Variants in ZC3H14 observed in about 807,000 individuals in gnomAD.
The protein encoded by ZC3H14 is zinc finger CCCH-type containing 14.
ZC3H14 carries 31 observed loss-of-function variants against 92.4 expected under a neutral mutation model. The observed-to-expected ratio is 0.34, with a 90% CI of 0.25 to 0.45. The LOEUF is 0.45. ZC3H14 is among the 20% of genes least tolerant of loss of function. ZC3H14 has a pLI of 1.00. For synonymous variants in ZC3H14, 321 were observed against 300.9 expected (o/e 1.07, Z -0.69); for missense variants, 781 against 897.3 (o/e 0.87, Z 1.66).
rs2087456476 is a variant in ZC3H14 at position 88,615,495 on chromosome 14, TAA to T, written c.*3746_*3747del. 2 of 270,542 alleles carry T rather than the reference TAA, an allele frequency of 7.4e-6. No homozygotes were observed. Among genetic ancestry groups the T allele is most frequent in the South Asian group, 3.3e-4 (2 of 6,110 alleles). 16.8% of individuals were successfully genotyped at this position (270,542 alleles called of 1,614,324 possible). A position where few individuals can be genotyped will look rare whatever the true frequency, so the allele number is the denominator to read the frequency against. ...CAAATTGGGTTTTTGAGTTCTTCTG[TAA>T]AGAGTGCTCTACCCTAAATTTTCCC... On this transcript the variant is annotated 3_prime_UTR_variant, in exon 17 of 17. Coordinates refer to ENST00000251038, the MANE Select transcript of ZC3H14 (RefSeq NM_024824.5).
chr14:88,567,959 A>G, intron 2 of ZC3H14, 80 bp from the exon 3 acceptor site: 4 of 1,119,610 alleles, frequency 3.6e-6, no homozygotes, highest in East Asian at 2.5e-5. Context: ...TTAGAGCTAC[A>G]TCTATATTTT....
At chr14:88,598,981 A>T (rs190751247) in intron 10 of ZC3H14, among the ~76,000 whole-genome samples, 17 of 152,338 alleles carry the variant, frequency 1.1e-4, no homozygotes, top group Non-Finnish European at 2.4e-4. Context: ...CCAGCTACTA[A>T]GGAGGCTGAG....
In ZC3H14 at chr14:88,622,732, C is replaced by A; in HGVS notation, c.*10981C>A. 1 of 1,572,958 alleles carries A rather than the reference C, an allele frequency of 6.4e-7. No homozygotes were observed. Among genetic ancestry groups the A allele is most frequent in the Non-Finnish European group, 8.7e-7 (1 of 1,155,870 alleles). On this transcript the variant is annotated 3_prime_UTR_variant, in exon 17 of 17. Coordinates refer to ENST00000251038, the MANE Select transcript of ZC3H14 (RefSeq NM_024824.5). ...CCTTCTTTTGACCTAAGTAAATAACCAAGCCAGAGTAAGTGTTCATTATTG... is the reference window on the plus strand; with the variant it reads ...CCTTCTTTTGACCTAAGTAAATAACAAAGCCAGAGTAAGTGTTCATTATTG...
Position 88,614,941 on chromosome 14 carries a change from T to C in ZC3H14, c.*3190T>C, listed in dbSNP as rs1229540249. The C allele has an allele frequency of 2.0e-5, 3 of 152,222 alleles. No homozygotes were observed. The highest frequency in any genetic ancestry group is 4.4e-5 in the Non-Finnish European group (3 of 68,024). The allele number at this position is 152,222 out of a possible 1,614,324, so 9.4% of individuals were successfully genotyped here. A position where few individuals can be genotyped will look rare whatever the true frequency, so the allele number is the denominator to read the frequency against. On this transcript the variant is annotated 3_prime_UTR_variant, in exon 17 of 17. Transcript: ENST00000251038. ...TGTTGTATATGTGAATTTAACACTT[T>C]TGTTTACATGTTAAACAAATGTGTA...
Position 88,602,822 on chromosome 14 carries a change from TG to T in ZC3H14, c.1515-4del. 1.2e-6 allele frequency: 2 copies of T among 1,613,964 alleles called. No homozygotes were observed. The highest frequency in any genetic ancestry group is 1.7e-6 in the Non-Finnish European group (2 of 1,179,878). On this transcript the variant is annotated splice_region_variant and splice_polypyrimidine_tract_variant and intron_variant, in intron 11 of 16. Coordinates refer to ENST00000251038, the MANE Select transcript of ZC3H14 (RefSeq NM_024824.5). ...AATTCTATGGTATTTTTTATCTGTC[TG>T]GCAGAGATCTTGTACAACCAGATAA...
At chr14:88,609,232 T>C (rs766782358) in intron 13 of ZC3H14, 35 bp from the exon 14 acceptor site, 24 of 1,613,288 alleles carry the variant, frequency 1.5e-5, no homozygotes, top group Middle Eastern at 1.7e-4. Context: ...ATTGAGAAGA[T>C]TGAATATGAA....
intron 10 of ZC3H14, among the ~76,000 whole-genome samples, chr14:88,597,208 A>T (rs1037364312): frequency 3.3e-5 from 5 of 151,838 alleles, no homozygotes; most frequent in African/African-American, 1.2e-4. Flanking sequence ...GAGTCTTATC[A>T]CCAGGGCCAC....
At position 88,615,196 on chromosome 14, in the gene ZC3H14, T is replaced by A. The variant is rs2087402814; in HGVS notation, c.*3445T>A. On this transcript the variant is annotated 3_prime_UTR_variant, in exon 17 of 17. Transcript: ENST00000251038. ...GCAGCCATATACTGCTAACTTTGGATCTGTTCCTGAATTCAAAACTACTAG... is the reference window on the plus strand; with the variant it reads ...GCAGCCATATACTGCTAACTTTGGAACTGTTCCTGAATTCAAAACTACTAG... 6.6e-6 allele frequency: 1 copy of A among 152,160 alleles called. No homozygotes were observed. The highest frequency in any genetic ancestry group is 6.5e-5 in the Admixed American group (1 of 15,278). The allele number at this position is 152,160 out of a possible 1,614,324, so 9.4% of individuals were successfully genotyped here. A position where few individuals can be genotyped will look rare whatever the true frequency, so the allele number is the denominator to read the frequency against.
chr14:88,608,137 T>G (rs2085889567), intron 13 of ZC3H14: 1 of 314,540 alleles, frequency 3.2e-6, no homozygotes, highest in Admixed American at 3.6e-5. Flanking sequence ...CATCTCATCC[T>G]GCAAGTACCA....
In ZC3H14 at chr14:88,618,465, C is replaced by T. The variant is rs1054828576; in HGVS notation, c.*6714C>T. ...TTATTAAGTATGCAAAAGATCACTA[C>T]AAAAACTTAATAGGAGAAAAGCTCT... On this transcript the variant is annotated 3_prime_UTR_variant, in exon 17 of 17. Transcript: ENST00000251038. 9.1e-7 allele frequency: 1 copy of T among 1,097,520 alleles called. No homozygotes were observed. 68.0% of individuals were successfully genotyped at this position (1,097,520 alleles called of 1,614,324 possible). A position where few individuals can be genotyped will look rare whatever the true frequency, so the allele number is the denominator to read the frequency against.
chr14:88,609,838 A>C, intron 15 of ZC3H14, 35 bp downstream of exon 15: 2 of 1,590,012 alleles, frequency 1.3e-6, no homozygotes, highest in Non-Finnish European at 1.7e-6. Flanking sequence ...CAATTTAGTG[A>C]CAACATCTCA....
At position 88,567,938 on chromosome 14, in the gene ZC3H14, G is replaced by T. The variant is rs753314770; in HGVS notation, c.80-101G>T. 3.2e-6 allele frequency: 3 copies of T among 944,708 alleles called. No homozygotes were observed. The Admixed American group carries it at 6.0e-5, about 19-fold the overall frequency. The allele number at this position is 944,708 out of a possible 1,614,324, so 58.5% of individuals were successfully genotyped here. On this transcript the variant is annotated intron_variant, in intron 2 of 16. Coordinates refer to ENST00000251038, the MANE Select transcript of ZC3H14 (RefSeq NM_024824.5). The stretch of plus-strand genomic sequence containing the variant: ...CAATGTAATTCCAGTAGAGCTCTGC[G>T]ACTCTAAAGCTTAGAGCTACATCTA...
At chr14:88,576,043 A>G (rs1044169869) in intron 8 of ZC3H14, 103 bp downstream of exon 8, 1 of 1,025,102 alleles carries the variant, frequency 9.8e-7, no homozygotes, top group Non-Finnish European at 1.5e-6. Flanking sequence ...GGTGCCTGTC[A>G]GATGTCAAGA....
intron 9 of ZC3H14, among the ~76,000 whole-genome samples, chr14:88,580,409 G>A (rs2081758979): frequency 6.6e-6 from 1 of 152,214 alleles, no homozygotes; most frequent in Admixed American, 6.5e-5. Flanking sequence ...AAGGCGGGAG[G>A]ATCACTTGAG....
At chr14:88,594,453 C>T (rs2083536474) in intron 9 of ZC3H14, 18 of 1,263,658 alleles carry the variant, frequency 1.4e-5, no homozygotes, top group Non-Finnish European at 1.8e-5. Context: ...TAGGGCCCTA[C>T]GTATTAGGGC....
intron 13 of ZC3H14, 135 bp downstream of exon 13, chr14:88,607,498 C>A: frequency 9.8e-7 from 1 of 1,021,134 alleles, no homozygotes; most frequent in Non-Finnish European, 1.5e-6. Flanking sequence ...ACATCTCAAC[C>A]CTCAAGTGAG....
chr14:88,599,609 T>C (rs549255311), intron 10 of ZC3H14, among the ~76,000 whole-genome samples: 1 of 152,336 alleles, frequency 6.6e-6, no homozygotes, highest in South Asian at 2.1e-4. Flanking sequence ...TCTCCAAGCT[T>C]TGACCTTTCG....
At chr14:88,605,614 A>G (rs570584730) in intron 12 of ZC3H14, among the ~76,000 whole-genome samples, 2 of 152,344 alleles carry the variant, frequency 1.3e-5, no homozygotes, top group Admixed American at 6.5e-5. Flanking sequence ...GGTTACAGGC[A>G]TGAGCCACCA....
rs2089746687 is a variant in ZC3H14, at chr14:88,625,261, A to T, written c.*13510A>T. 3 of 1,036,578 alleles carry T rather than the reference A, an allele frequency of 2.9e-6. No homozygotes were observed. In the East Asian group the frequency reaches 8.2e-5, roughly 28 times the overall value. 64.2% of individuals were successfully genotyped at this position (1,036,578 alleles called of 1,614,324 possible). On this transcript the variant is annotated 3_prime_UTR_variant, in exon 17 of 17. Transcript: ENST00000251038. ...GCATGCATCGTGTAGTGGCAGCAGC[A>T]CTGAATTCACGAGTCAGGAAACCTG...
Sources: allele counts gnomAD v4.1 joint callset (sites outside exome capture counted in the v4.1 genomes callset), GRCh38; gene constraint gnomAD v4.1.1; transcripts MANE v1.5; gene names NCBI Gene and HGNC (gene_info 2026-07-23, HGNC 2026-07-21).